The following MTCH2 variants were observed in gnomAD, a reference collection of about 807,000 sequenced individuals.
MTCH2 encodes the protein mitochondrial carrier homolog 2.
Under a neutral mutation model 50.6 loss-of-function variants are expected in MTCH2, and 25 were observed. The ratio of observed to expected loss-of-function variants is 0.49; its 90% CI spans 0.36 to 0.69. The LOEUF (loss-of-function observed/expected upper bound fraction) is 0.69. MTCH2 is among the 30% of genes least tolerant of loss of function. The pLI is 0.00. For synonymous variants in MTCH2, 106 were observed against 132.0 expected, an observed-to-expected ratio of 0.80 and a Z score of 1.35; for missense variants, 273 against 384.4, an observed-to-expected ratio of 0.71 and a Z score of 2.42.
At chr11:47,623,604 C>T (rs1363969662) in intron 11 of MTCH2, among the ~76,000 whole-genome samples, 1 of 152,150 alleles carries the variant, frequency 6.6e-6, no homozygotes, top group African/African-American at 2.4e-5. Flanking sequence ...CAGAAAACAT[C>T]ACAGCTTGCC....
At chr11:47,608,030 C>T in the MTCH2 span, among the ~76,000 whole-genome samples, 1 of 152,166 alleles carries the variant, frequency 6.6e-6, no homozygotes, top group Non-Finnish European at 1.5e-5. Flanking sequence ...TTAGAAATTC[C>T]AGATTTGCAG....
intron 4 of MTCH2, among the ~76,000 whole-genome samples, chr11:47,635,166 C>A (rs1332831248): frequency 1.3e-5 from 2 of 151,992 alleles, no homozygotes; most frequent in African/African-American, 4.8e-5. Context: ...GCAGTCTTGA[C>A]GTCCTGGACT....
chr11:47,612,153 C>T, the MTCH2 span, among the ~76,000 whole-genome samples: 1 of 152,206 alleles, frequency 6.6e-6, no homozygotes, highest in Non-Finnish European at 1.5e-5. Context: ...GTGGCTTACA[C>T]CAGTAATCCC....
Position 47,635,553 on chromosome 11 carries a change from T to C in MTCH2, c.298A>G (p.Lys100Glu), listed in dbSNP as rs1598851774. The C allele has an allele frequency of 4.3e-6, 7 of 1,613,558 alleles. No individual in the cohort carries two copies. The highest frequency in any genetic ancestry group is 5.1e-6 in the Non-Finnish European group (6 of 1,179,570). Residue 100 changes from lysine (K) to glutamate (E), a missense_variant, in exon 4 of 13, where the codon AAG becomes GAG. Coordinates refer to ENST00000302503, the MANE Select transcript of MTCH2 (RefSeq NM_014342.4). The stretch of plus-strand genomic sequence containing the variant: ...AATCAGCTCCAACATACCTCACCCT[T>C]GTCACTCTCCTGGTAATGCTATAGA... ...KVLQHYQESD[K>E]GEELGPGNVQ...
At chr11:47,619,716 G>A (rs1452656936) in intron 12 of MTCH2, among the ~76,000 whole-genome samples, 1 of 152,076 alleles carries the variant, frequency 6.6e-6, no homozygotes, top group Non-Finnish European at 1.5e-5. Context: ...CAAGGCAGGA[G>A]GATCACTTGA....
At chr11:47,604,666 A>C in the MTCH2 span, among the ~76,000 whole-genome samples, 1 of 152,246 alleles carries the variant, frequency 6.6e-6, no homozygotes, top group African/African-American at 2.4e-5. Flanking sequence ...AGGACCAATA[A>C]ATTATGATAC....
chr11:47,606,190 A>G, the MTCH2 span, among the ~76,000 whole-genome samples: 6 of 152,012 alleles, frequency 3.9e-5, no homozygotes, highest in African/African-American at 7.2e-5. Context: ...CTTTTCTTCT[A>G]TTTGGGGTTT....
At chr11:47,623,375 TTAA>T (rs1386839360) in intron 11 of MTCH2, among the ~76,000 whole-genome samples, 5 of 122,504 alleles carry the variant, frequency 4.1e-5, no homozygotes, top group East Asian at 2.3e-4. Flanking sequence ...CAGTCTTTTT[TTAA>T]AAAAAAAAAA....
intron 9 of MTCH2, 26 bp downstream of exon 9, chr11:47,628,927 C>T: frequency 6.3e-7 from 1 of 1,592,798 alleles, no homozygotes; most frequent in Non-Finnish European, 8.6e-7. Flanking sequence ...CCAAGGTGAG[C>T]ACATCTCACG....
chr11:47,634,318 G>C (rs1278432207), intron 5 of MTCH2, among the ~76,000 whole-genome samples: 2 of 152,030 alleles, frequency 1.3e-5, no homozygotes, highest in African/African-American at 4.8e-5. Context: ...GGGGTCAAGT[G>C]ATCTTCCTGC....
chr11:47,609,647 AAAAAG>A, the MTCH2 span, among the ~76,000 whole-genome samples: 21 of 143,588 alleles, frequency 1.5e-4, no homozygotes, highest in South Asian at 2.1e-4. Flanking sequence ...AAAAAAAAAA[AAAAAG>A]AAAAGAGAAG....
intron 1 of MTCH2, among the ~76,000 whole-genome samples, chr11:47,639,824 A>C (rs994169132): frequency 5.9e-5 from 9 of 152,008 alleles, no homozygotes; most frequent in African/African-American, 2.2e-4. Context: ...GGCCGACAAC[A>C]GCGAGACTCC....
chr11:47,616,541 G>C (rs1238584617), downstream of MTCH2, among the ~76,000 whole-genome samples: 1 of 151,330 alleles, frequency 6.6e-6, no homozygotes, highest in African/African-American at 2.4e-5. Flanking sequence ...TGGCCAGGCT[G>C]GTCTCCAACT....
chr11:47,607,672 C>G, the MTCH2 span, among the ~76,000 whole-genome samples: 1 of 152,180 alleles, frequency 6.6e-6, no homozygotes, highest in Non-Finnish European at 1.5e-5. Flanking sequence ...ATCACAAGCT[C>G]TAAGAAGCCA....
chr11:47,621,092 A>AT (rs1269739025), intron 12 of MTCH2, among the ~76,000 whole-genome samples: 2 of 152,228 alleles, frequency 1.3e-5, no homozygotes, highest in Admixed American at 1.3e-4. Flanking sequence ...ACCACACTGT[A>AT]CAATAGAGAG....
chr11:47,639,673 T>TA (rs1380254806), intron 1 of MTCH2, among the ~76,000 whole-genome samples: 1 of 151,938 alleles, frequency 6.6e-6, no homozygotes, highest in Non-Finnish European at 1.5e-5. Context: ...ACCCTGTCTC[T>TA]ACTAGAACTA....
rs546271078 is a variant in MTCH2 at position 47,628,937 on chromosome 11, G to A, written c.633+16C>T. The A allele has an allele frequency of 1.2e-5, 20 of 1,607,018 alleles. No individual in the cohort carries two copies. The East Asian group carries it at 3.1e-4, about 25-fold the overall frequency. On this transcript the variant is annotated intron_variant, in intron 9 of 12. Transcript: ENST00000302503. ...TAAAGCCAAGGTGAGCACATCTCAC[G>A]AAGGTCACAACCTACCCCACTGTCC...
At position 47,627,628 on chromosome 11, in the gene MTCH2, AT is replaced by A. The variant is rs1275344585; in HGVS notation, c.634-502del. Among the ~76,000 whole-genome samples, 1,378 of 140,778 alleles carry A rather than the reference AT, an allele frequency of 9.8e-3. 7 individuals are homozygous for A. Among genetic ancestry groups the A allele is most frequent in the African/African-American group, 0.022 (837 of 38,222 alleles). The allele number at this position is 140,778 out of a possible 152,430, so 92.4% of individuals were successfully genotyped here. The stretch of plus-strand genomic sequence containing the variant: ...TATCAGTTTGACAGCTTGAAAATTA[AT>A]TTTTTTTTTTTTTTTGAGACAGGAT... On this transcript the variant is annotated intron_variant, in intron 9 of 12. Transcript: ENST00000302503.
At chr11:47,628,143 A>G (rs2097299755) in intron 9 of MTCH2, among the ~76,000 whole-genome samples, 1 of 152,186 alleles carries the variant, frequency 6.6e-6, no homozygotes, top group Admixed American at 6.5e-5. Flanking sequence ...TGTTCAATTT[A>G]TCATCATGCT....
Sources: gnomAD v4.1 joint callset for allele counts (sites outside exome capture counted in the v4.1 genomes callset) on GRCh38, gnomAD v4.1.1 for gene constraint, MANE v1.5 for transcripts, NCBI Gene and HGNC (gene_info 2026-07-23, HGNC 2026-07-21) for gene names.